The following GPR137C variants were observed in gnomAD, a reference collection of about 807,000 sequenced individuals.
GPR137C encodes the protein integral membrane protein GPR137C.
In GPR137C, 27 loss-of-function variants were observed where a neutral mutation model predicts 43.4. The ratio of observed to expected loss-of-function variants is 0.62; its 90% confidence interval spans 0.46 to 0.86. GPR137C has a LOEUF of 0.86. Ranked by LOEUF, GPR137C falls within the 40% of genes least tolerant of loss-of-function variation. The probability of loss-of-function intolerance (pLI) is 0.00; values close to 1 mark genes in which losing one functional copy is unlikely to be tolerated. For missense variants in GPR137C, 522 were observed against 534.6 expected (o/e 0.98, Z 0.23); for synonymous variants, 285 against 226.9 (o/e 1.26, Z -2.30).
chr14:52,632,886 C>G (rs1012951578), intron 4 of GPR137C, among the ~76,000 whole-genome samples: 4 of 152,096 alleles, frequency 2.6e-5, no homozygotes, highest in African/African-American at 9.7e-5. Context: ...GCTTCCTAAA[C>G]ATACATTTTG....
intron 1 of GPR137C, among the ~76,000 whole-genome samples, chr14:52,595,652 T>TG (rs1263648169): frequency 6.6e-6 from 1 of 152,214 alleles, no homozygotes; most frequent in Non-Finnish European, 1.5e-5. Context: ...TCTCATGCTA[T>TG]GGTTTTCAGC....
chr14:52,554,713 T>TA (rs11317587), intron 1 of GPR137C, among the ~76,000 whole-genome samples: 157 of 145,776 alleles, frequency 1.1e-3, no homozygotes, highest in Middle Eastern at 3.5e-3. Flanking sequence ...CAAGCAAAAG[T>TA]AAAAAAAAAA....
intron 1 of GPR137C, among the ~76,000 whole-genome samples, chr14:52,583,184 A>G (rs887602976): frequency 6.6e-6 from 1 of 152,082 alleles, no homozygotes; most frequent in Non-Finnish European, 1.5e-5. Flanking sequence ...TTCTGAACTT[A>G]AAAAAAATCT....
intron 1 of GPR137C, among the ~76,000 whole-genome samples, chr14:52,596,609 G>C (rs188110502): frequency 6.6e-6 from 1 of 152,336 alleles, no homozygotes; most frequent in Non-Finnish European, 1.5e-5. Context: ...AAGGCTCTGT[G>C]GGCGTGGGAC....
chr14:52,574,253 A>G (rs1366515019), intron 1 of GPR137C, among the ~76,000 whole-genome samples: 3 of 152,208 alleles, frequency 2.0e-5, no homozygotes, highest in African/African-American at 7.2e-5. Flanking sequence ...ATTCTACTAT[A>G]AAGACACATG....
rs115796266 is a variant in GPR137C at position 52,561,316 on chromosome 14, C to T, written c.444+7725C>T. On this transcript the variant is annotated intron_variant, in intron 1 of 6. Coordinates refer to ENST00000321662, the MANE Select transcript of GPR137C (RefSeq NM_001099652.2). The stretch of plus-strand genomic sequence containing the variant: ...AACATAAGCCTGTCATAAAATCTAG[C>T]TGTTACAGAAGCCAGGCGTGGTGGC... Among the ~76,000 whole-genome samples, 273 of 152,310 alleles carry T rather than the reference C, an allele frequency of 1.8e-3. 1 individual carries two copies. Among genetic ancestry groups the T allele is most frequent in the African/African-American group, 6.2e-3 (259 of 41,574 alleles).
chr14:52,590,414 A>G (rs2038767289), intron 1 of GPR137C, among the ~76,000 whole-genome samples: 1 of 152,190 alleles, frequency 6.6e-6, no homozygotes, highest in Non-Finnish European at 1.5e-5. Context: ...TTTATTGTTC[A>G]TTTTTAAAAA....
rs200493776 is a variant in GPR137C at position 52,600,177 on chromosome 14, G to T, written c.553G>T (p.Ala185Ser). The T allele has an allele frequency of 2.0e-4, 329 of 1,613,826 alleles. 4 individuals are homozygous for T. Among genetic ancestry groups the T allele is most frequent in the Middle Eastern group, 5.0e-4 (3 of 6,058 alleles). ...LLFLVVNLTC[A>S]MLVHGDVPEN... Reference sequence around the variant, plus strand: ...CTTTTTAGTGGTGAACTTGACTTGCGCAATGCTAGTTCATGGAGATGTCCC... The same window carrying T: ...CTTTTTAGTGGTGAACTTGACTTGCTCAATGCTAGTTCATGGAGATGTCCC... Residue 185 changes from alanine to serine, a missense_variant, in exon 3 of 7, where the codon GCA (alanine) becomes TCA (serine). Ala to Ser is a moderately conservative substitution (Grantham distance 99, BLOSUM62 1). Transcript: ENST00000321662.
At chr14:52,587,596 C>A (rs1356953739) in intron 1 of GPR137C, among the ~76,000 whole-genome samples, 4 of 152,130 alleles carry the variant, frequency 2.6e-5, no homozygotes, top group Non-Finnish European at 1.5e-5. Flanking sequence ...CATGGTGAAA[C>A]CCTTTTCTAC....
chr14:52,584,505 G>A (rs749159409), intron 1 of GPR137C, among the ~76,000 whole-genome samples: 1 of 152,098 alleles, frequency 6.6e-6, no homozygotes, highest in Non-Finnish European at 1.5e-5. Context: ...GCATGTTTGT[G>A]GTCTTCAGAG....
rs2039303724 is a variant in GPR137C at position 52,632,254 on chromosome 14, C to G, written c.812C>G (p.Ser271Cys). The G allele has an allele frequency of 6.2e-7, 1 of 1,610,568 alleles. No individual in the cohort carries two copies. The highest frequency in any genetic ancestry group is 1.1e-5 in the South Asian group (1 of 90,966). Residue 271 changes from serine (S) to cysteine (C), a missense_variant, in exon 4 of 7, where the codon TCT becomes TGT. Around this residue, in one of 3 missense-constraint regions of GPR137C, gnomAD observed 437 missense variants for 425.7 expected, o/e 1.03. Transcript: ENST00000321662. ...ACYNLVVVTI[S>C]QDTLESPFNY... Reference sequence around the variant, plus strand: ...TATAATTTGGTGGTGGTCACCATATCTCAGGATACATTAGAAAGTCCATTT... The same window carrying G: ...TATAATTTGGTGGTGGTCACCATATGTCAGGATACATTAGAAAGTCCATTT...
chr14:52,622,592 G>GA (rs34979279), intron 3 of GPR137C, among the ~76,000 whole-genome samples: 1 of 151,190 alleles, frequency 6.6e-6, no homozygotes. Flanking sequence ...ATTTATTTTT[G>GA]AAAAAAAATA....
At chr14:52,618,053 A>G (rs1313024234) in intron 3 of GPR137C, among the ~76,000 whole-genome samples, 3 of 152,112 alleles carry the variant, frequency 2.0e-5, no homozygotes, top group African/African-American at 7.2e-5. Context: ...TTGACTGGAG[A>G]GGGGTCTTGT....
rs1031308989 is a variant in GPR137C, at chr14:52,553,175, G to A, written c.28G>A (p.Ala10Thr). ...GAGGGTGTCCGTGCCGGGTCCGGCG[G>A]CCGCTGCCGCCCCCGCAGCCGGCCG... The part of the protein sequence containing the change: MRVSVPGPA[A>T]AAAPAAGREP... Residue 10 changes from alanine to threonine, a missense_variant, in exon 1 of 7, where the codon GCC (alanine) becomes ACC (threonine). Around this residue, in one of 3 missense-constraint regions of GPR137C, gnomAD observed 437 missense variants for 425.7 expected, o/e 1.03. Transcript: ENST00000321662. The A allele has an allele frequency of 1.7e-5, 20 of 1,184,026 alleles. No homozygotes were observed. In the Middle Eastern group the frequency reaches 1.0e-3, roughly 60 times the overall value. The allele number at this position is 1,184,026 out of a possible 1,614,324, so 73.3% of individuals were successfully genotyped here.
At chr14:52,615,815 T>C (rs2039092359) in intron 3 of GPR137C, among the ~76,000 whole-genome samples, 2 of 152,342 alleles carry the variant, frequency 1.3e-5, no homozygotes. Context: ...TTGATTTTTG[T>C]ATCCTGCTAT....
Position 52,617,208 on chromosome 14 carries a change from T to C in GPR137C, c.718-14952T>C, listed in dbSNP as rs116423974. On this transcript the variant is annotated intron_variant, in intron 3 of 6. Coordinates refer to ENST00000321662, the MANE Select transcript of GPR137C (RefSeq NM_001099652.2). Reference sequence around the variant, plus strand: ...CCATTCCCTCACACACACACACATATATTTCCATATTTATTTTTATTTTCT... The same window carrying C: ...CCATTCCCTCACACACACACACATACATTTCCATATTTATTTTTATTTTCT... Among the ~76,000 whole-genome samples, 394 of 152,272 alleles carry C rather than the reference T, an allele frequency of 2.6e-3. 2 individuals are homozygous for C. The highest frequency in any genetic ancestry group is 9.1e-3 in the African/African-American group (378 of 41,568).
At chr14:52,606,408 A>T (rs1157464855) in intron 3 of GPR137C, among the ~76,000 whole-genome samples, 2 of 151,964 alleles carry the variant, frequency 1.3e-5, no homozygotes, top group Non-Finnish European at 2.9e-5. Flanking sequence ...TTTTTATTTT[A>T]CATGAATAGT....
chr14:52,633,796 C>A (rs376804095), intron 5 of GPR137C, 32 bp from the exon 6 acceptor site: 2 of 1,541,974 alleles, frequency 1.3e-6, no homozygotes, highest in Non-Finnish European at 1.8e-6. Flanking sequence ...AAAAGTAAAA[C>A]CTTCATATGC....
chr14:52,573,864 T>C (rs1005519649), intron 1 of GPR137C, among the ~76,000 whole-genome samples: 5 of 152,014 alleles, frequency 3.3e-5, no homozygotes, highest in South Asian at 2.1e-4. Flanking sequence ...AAGGAACTTA[T>C]ACAAATTTAT....
Sources: allele counts gnomAD v4.1 joint callset (sites outside exome capture counted in the v4.1 genomes callset), GRCh38; gene constraint gnomAD v4.1.1; regional missense constraint gnomAD v4.1.1; transcripts MANE v1.5; gene names NCBI Gene and HGNC (gene_info 2026-07-23, HGNC 2026-07-21).